HDAC9: variants seen among roughly 807,000 people sequenced by gnomAD.
HDAC9 encodes the protein histone deacetylase 9.
A neutral mutation model predicts 139.4 loss-of-function variants in HDAC9; 41 were observed. The ratio of observed to expected loss-of-function variants is 0.29; its 90% CI spans 0.23 to 0.38. The LOEUF (loss-of-function observed/expected upper bound fraction) is 0.38, where lower values mean the gene tolerates loss of function less well. HDAC9 is among the 10% of genes least tolerant of loss of function. The pLI is 1.00. For missense variants in HDAC9, 1,147 were observed against 1,297.0 expected (o/e 0.88, Z 1.78); for synonymous variants, 517 against 476.2 (o/e 1.09, Z -1.12).
intron 11 of HDAC9, among the ~76,000 whole-genome samples, chr7:18,654,926 A>G (rs188819115): frequency 6.6e-6 from 1 of 152,240 alleles, no homozygotes; most frequent in East Asian, 1.9e-4. Context: ...TGCAGAGTGA[A>G]TGCAGTACAG....
At chr7:18,648,320 G>A (rs1788071211) in intron 10 of HDAC9, 146 bp from the exon 11 acceptor site, 3 of 695,484 alleles carry the variant, frequency 4.3e-6, no homozygotes, top group Non-Finnish European at 4.8e-6. Flanking sequence ...TTGCCTGGTA[G>A]CATCACTAAT....
intron 13 of HDAC9, among the ~76,000 whole-genome samples, chr7:18,729,271 A>G (rs1246573969): frequency 6.6e-6 from 1 of 151,846 alleles, no homozygotes; most frequent in South Asian, 2.1e-4. Context: ...ATTGACTGAA[A>G]TAATTTCCTT....
chr7:18,506,248 T>C (rs1419391631), intron 2 of HDAC9, among the ~76,000 whole-genome samples: 2 of 152,126 alleles, frequency 1.3e-5, no homozygotes, highest in African/African-American at 2.4e-5. Context: ...AAGGGAGAGC[T>C]CTGGTAATGA....
rs1563121317 is a variant in HDAC9, at chr7:18,998,037, T to C, written c.*1975T>C. 6.6e-6 allele frequency: 1 copy of C among 152,182 alleles called. No individual in the cohort carries two copies. Among genetic ancestry groups the C allele is most frequent in the Non-Finnish European group, 1.5e-5 (1 of 68,012 alleles). The allele number at this position is 152,182 out of a possible 1,614,324, so 9.4% of individuals were successfully genotyped here. A position where few individuals can be genotyped will look rare whatever the true frequency, so the allele number is the denominator to read the frequency against. On this transcript the variant is annotated 3_prime_UTR_variant, in exon 26 of 26. Coordinates refer to ENST00000686413, the MANE Select transcript of HDAC9 (RefSeq NM_178425.4). ...AGAAATTCATACCAATCATATTTGCTAGCTTATGTTATTTTGCAGTGATTG... is the reference window on the plus strand; with the variant it reads ...AGAAATTCATACCAATCATATTTGCCAGCTTATGTTATTTTGCAGTGATTG...
chr7:18,107,432 A>G (rs1330009177), intron 1 of HDAC9, among the ~76,000 whole-genome samples: 1 of 152,192 alleles, frequency 6.6e-6, no homozygotes, highest in Non-Finnish European at 1.5e-5. Flanking sequence ...CCTACTGAAG[A>G]TCAGAGATCT....
At chr7:18,288,137 G>T (rs906595198), upstream of HDAC9, among the ~76,000 whole-genome samples, 1 of 152,184 alleles carries the variant, frequency 6.6e-6, no homozygotes, top group Admixed American at 6.5e-5. Flanking sequence ...CAACAAGGTG[G>T]CTCATGGTAT....
At chr7:18,557,628 T>C (rs1229161914) in intron 2 of HDAC9, among the ~76,000 whole-genome samples, 1 of 149,944 alleles carries the variant, frequency 6.7e-6, no homozygotes, top group Non-Finnish European at 1.5e-5. Flanking sequence ...TTCTCTTGTA[T>C]GGTTAAAATG....
chr7:18,926,826 A>G (rs1464080670), intron 22 of HDAC9, among the ~76,000 whole-genome samples: 1 of 152,202 alleles, frequency 6.6e-6, no homozygotes, highest in Non-Finnish European at 1.5e-5. Flanking sequence ...TGCTGAGAAT[A>G]TAAACTTACC....
At chr7:18,991,767 C>T (rs776512012) in intron 25 of HDAC9, among the ~76,000 whole-genome samples, 4 of 152,062 alleles carry the variant, frequency 2.6e-5, no homozygotes, top group Non-Finnish European at 5.9e-5. Flanking sequence ...AAATCTTTGT[C>T]CAAACTGATT....
intron 16 of HDAC9, among the ~76,000 whole-genome samples, chr7:18,787,910 CTG>C (rs3084755): frequency 0.012 from 1,795 of 152,258 alleles, 34 homozygotes; most frequent in African/African-American, 0.041. Context: ...TTTAGAAATA[CTG>C]TCTTTTCAAG....
At chr7:18,123,710 C>G (rs1049258388) in intron 1 of HDAC9, among the ~76,000 whole-genome samples, 2 of 152,100 alleles carry the variant, frequency 1.3e-5, no homozygotes, top group Non-Finnish European at 2.9e-5. Flanking sequence ...CTAGGGCAGG[C>G]AACAGGGTGT....
rs556618835 is a variant in HDAC9, at chr7:18,309,649, T to G, written c.-42+19134T>G. On this transcript the variant is annotated intron_variant, in intron 1 of 3. Coordinates refer to the HDAC9 transcript ENST00000413509. ...GGACTGTTTCCAAACAGGGAACATT[T>G]ATTGTTCTATAAGCAAACCGAACCT... Among the ~76,000 whole-genome samples, 5 of 152,266 alleles carry G rather than the reference T, an allele frequency of 3.3e-5. No homozygotes were observed. In the East Asian group the frequency reaches 9.7e-4, roughly 29 times the overall value.
At chr7:18,482,642 A>G (rs1795661489) in intron 1 of HDAC9, among the ~76,000 whole-genome samples, 1 of 152,086 alleles carries the variant, frequency 6.6e-6, no homozygotes, top group African/African-American at 2.4e-5. Flanking sequence ...CAATGCCCTT[A>G]TTTATTTTTT....
At chr7:18,835,419 C>T (rs747418129) in intron 19 of HDAC9, 48 bp from the exon 20 acceptor site, 2 of 1,557,320 alleles carry the variant, frequency 1.3e-6, no homozygotes, top group East Asian at 4.5e-5. Flanking sequence ...TGTCTCCACA[C>T]AAAGTTAGAC....
In HDAC9 at chr7:18,100,569, A is replaced by C. The variant is rs549827831; in HGVS notation, c.-97+13356A>C. ...AGTAGTCATATTTAGTGTGTTCTCC[A>C]TCTCACACATTGTAGTTTTCATCTC... On this transcript the variant is annotated intron_variant, in intron 1 of 12. Transcript: ENST00000417496. Among the ~76,000 whole-genome samples, 12 of 152,264 alleles carry C rather than the reference A, an allele frequency of 7.9e-5. No individual in the cohort carries two copies. The South Asian group carries it at 2.3e-3, about 29-fold the overall frequency.
chr7:18,639,162 G>T (rs773206938), intron 8 of HDAC9, among the ~76,000 whole-genome samples: 1 of 152,058 alleles, frequency 6.6e-6, no homozygotes, highest in Non-Finnish European at 1.5e-5. Context: ...AAAATCATCT[G>T]TAATGTCACT....
At chr7:18,587,865 G>T (rs1829898324) in intron 3 of HDAC9, among the ~76,000 whole-genome samples, 1 of 152,200 alleles carries the variant, frequency 6.6e-6, no homozygotes, top group Non-Finnish European at 1.5e-5. Context: ...ATTAAATTGT[G>T]TGCTTTTCTA....
intron 1 of HDAC9, chr7:18,325,646 C>T (rs1464974428): frequency 3.3e-5 from 5 of 151,564 alleles, no homozygotes; most frequent in East Asian, 3.9e-4. Context: ...AACTTCAGTT[C>T]GTGGTAAAAA....
At chr7:18,793,153 C>T in intron 16 of HDAC9, 192 bp from the exon 17 acceptor site, 1 of 574,566 alleles carries the variant, frequency 1.7e-6, no homozygotes, top group Non-Finnish European at 3.1e-6. Flanking sequence ...TCCAGAAGGC[C>T]TTTTCAGCTG....
Sources: gnomAD v4.1 joint callset for allele counts (sites outside exome capture counted in the v4.1 genomes callset) on GRCh38, gnomAD v4.1.1 for gene constraint, MANE v1.5 for transcripts, NCBI Gene and HGNC (gene_info 2026-07-23, HGNC 2026-07-21) for gene names.